The following SP100 variants were observed in gnomAD, a reference collection of about 807,000 sequenced individuals.
The protein encoded by SP100 is SP100 nuclear body protein.
Under a neutral mutation model 130.0 loss-of-function variants are expected in SP100, and 84 were observed. That is an observed-to-expected ratio of 0.65 (90% CI 0.54 to 0.77). The LOEUF is 0.77. SP100 is among the 30% of genes least tolerant of loss of function. The probability of loss-of-function intolerance (pLI) is 0.00; values close to 1 mark genes in which losing one functional copy is unlikely to be tolerated. For synonymous variants in SP100, 331 were observed against 351.7 expected, an observed-to-expected ratio of 0.94 and a Z score of 0.66; for missense variants, 978 against 1,052.2, an observed-to-expected ratio of 0.93 and a Z score of 0.97.
At chr2:230,438,977 A>G (rs2063384766) in intron 2 of SP100, among the ~76,000 whole-genome samples, 1 of 152,142 alleles carries the variant, frequency 6.6e-6, no homozygotes, top group East Asian at 1.9e-4. Context: ...CAGCAGTGTA[A>G]AAGTGTTCCC....
At chr2:230,465,387 A>C (rs1279207400) in intron 11 of SP100, among the ~76,000 whole-genome samples, 1 of 152,228 alleles carries the variant, frequency 6.6e-6, no homozygotes, top group Non-Finnish European at 1.5e-5. Context: ...TGACAGAGTG[A>C]GACCCTGTCT....
At chr2:230,429,841 A>G (rs1245731330) in intron 2 of SP100, among the ~76,000 whole-genome samples, 1 of 151,526 alleles carries the variant, frequency 6.6e-6, no homozygotes, top group Non-Finnish European at 1.5e-5. Context: ...TTGGCATTAT[A>G]ATTTTGTTTA....
chr2:230,508,938 C>CACAT (rs1319457149), intron 23 of SP100: 1 of 138,548 alleles, frequency 7.2e-6, no homozygotes, highest in African/African-American at 3.2e-5. Flanking sequence ...CACACACACA[C>CACAT]ACACACACAT....
At chr2:230,494,789 T>C (rs1025614920) in intron 18 of SP100, among the ~76,000 whole-genome samples, 25 of 152,138 alleles carry the variant, frequency 1.6e-4, no homozygotes, top group Non-Finnish European at 3.5e-4. Flanking sequence ...GAACCAGCCA[T>C]TTATTTATTT....
chr2:230,444,216 G>A lies in SP100; in HGVS notation c.309G>A (p.Gln103=), dbSNP rs779768232. ...CTTGTAGAAACCTGGTCCCTGTACA[G>A]AGAGTGGTGTACAATGTTCTTAGTG... The part of the protein sequence containing the change: ...QDSCRNLVPV[Q]RVVYNVLSEL... Residue 103 remains glutamine (Q), a synonymous_variant, in exon 4 of 29, where the codon CAG becomes CAA. Coordinates refer to ENST00000340126, the MANE Select transcript of SP100 (RefSeq NM_001080391.2). 7.5e-6 allele frequency: 12 copies of A among 1,610,256 alleles called. No individual in the cohort carries two copies. In the Admixed American group the frequency reaches 2.0e-4, roughly 27 times the overall value.
At chr2:230,447,431 C>T (rs751575296) in intron 5 of SP100, among the ~76,000 whole-genome samples, 5 of 152,256 alleles carry the variant, frequency 3.3e-5, no homozygotes, top group South Asian at 2.1e-4. Flanking sequence ...GCACGGACTC[C>T]GCAGGTTAAG....
chr2:230,454,367 T>C (rs1197653514), intron 8 of SP100, among the ~76,000 whole-genome samples: 3 of 152,118 alleles, frequency 2.0e-5, no homozygotes, highest in Non-Finnish European at 4.4e-5. Context: ...TTTCTTGAGG[T>C]GTAACATTAG....
At chr2:230,497,821 T>C (rs2066781686) in intron 18 of SP100, among the ~76,000 whole-genome samples, 1 of 152,212 alleles carries the variant, frequency 6.6e-6, no homozygotes, top group Non-Finnish European at 1.5e-5. Context: ...TTGGTTAGTT[T>C]CTTAGATCCT....
At chr2:230,503,993 G>A (rs2067184223) in intron 20 of SP100, among the ~76,000 whole-genome samples, 193 bp from the exon 21 acceptor site, 1 of 152,138 alleles carries the variant, frequency 6.6e-6, no homozygotes, top group East Asian at 1.9e-4. Flanking sequence ...ATTTTAGAGG[G>A]TGGAATGGAG....
chr2:230,417,782 T>G, intron 2 of SP100, 117 bp downstream of exon 2: 1 of 1,437,910 alleles, frequency 7.0e-7, no homozygotes, highest in Non-Finnish European at 9.2e-7. Context: ...ATTGCTTGTT[T>G]GTTTTTTGCC....
At chr2:230,512,862 G>A (rs1039213440) in intron 24 of SP100, among the ~76,000 whole-genome samples, 1 of 152,284 alleles carries the variant, frequency 6.6e-6, no homozygotes, top group Admixed American at 6.5e-5. Flanking sequence ...CCATCTAGGG[G>A]TGATGGGAGA....
At chr2:230,491,144 C>T (rs527830487) in intron 17 of SP100, among the ~76,000 whole-genome samples, 35 of 152,126 alleles carry the variant, frequency 2.3e-4, no homozygotes, top group Non-Finnish European at 4.4e-4. Context: ...TTACAAAGTC[C>T]CATATTTCTT....
At chr2:230,497,508 AG>A (rs2066743299) in intron 18 of SP100, among the ~76,000 whole-genome samples, 2 of 18,108 alleles carry the variant, frequency 1.1e-4, no homozygotes, top group African/African-American at 4.1e-4. Context: ...AGAGGAGAGG[AG>A]AGGAGAGGAG....
In SP100 at chr2:230,476,522, C is replaced by T. The variant is rs2065557283; in HGVS notation, c.1600+2075C>T. Among the ~76,000 whole-genome samples, 5 of 152,048 alleles carry T rather than the reference C, an allele frequency of 3.3e-5. No homozygotes were observed. The South Asian group carries it at 1.0e-3, about 31-fold the overall frequency. Reference sequence around the variant, plus strand: ...TGCTCATGTTGCTTTATTCTGTCTTCATCTTGCTTTTCATTCTGATTTGAA... The same window carrying T: ...TGCTCATGTTGCTTTATTCTGTCTTTATCTTGCTTTTCATTCTGATTTGAA... On this transcript the variant is annotated intron_variant, in intron 17 of 28. Transcript: ENST00000340126.
At chr2:230,519,883 C>G (rs1227231177) in intron 24 of SP100, among the ~76,000 whole-genome samples, 8 of 152,110 alleles carry the variant, frequency 5.3e-5, no homozygotes, top group Non-Finnish European at 7.4e-5. Flanking sequence ...TACATGGGTC[C>G]ACTTATCTAA....
chr2:230,471,674 C>T (rs1272924561), intron 15 of SP100, among the ~76,000 whole-genome samples: 2 of 151,998 alleles, frequency 1.3e-5, no homozygotes, highest in Non-Finnish European at 2.9e-5. Flanking sequence ...TGCACAGACT[C>T]GGGCTGCTTG....
intron 24 of SP100, among the ~76,000 whole-genome samples, chr2:230,518,322 T>A (rs865988504): frequency 6.6e-6 from 1 of 151,978 alleles, no homozygotes; most frequent in East Asian, 1.9e-4. Context: ...TTTTCTGTCA[T>A]GAAAAACACA....
intron 24 of SP100, among the ~76,000 whole-genome samples, chr2:230,522,763 C>T (rs1691236835): frequency 1.3e-5 from 2 of 151,752 alleles, no homozygotes; most frequent in African/African-American, 2.4e-5. Flanking sequence ...GCTGGGATTA[C>T]AGGCATGAGC....
intron 17 of SP100, among the ~76,000 whole-genome samples, chr2:230,475,006 T>C (rs1308115029): frequency 6.6e-6 from 1 of 152,012 alleles, no homozygotes; most frequent in East Asian, 1.9e-4. Flanking sequence ...TGAGTGCGTG[T>C]ATCTTTTTGA....
Sources: allele counts gnomAD v4.1 joint callset (sites outside exome capture counted in the v4.1 genomes callset), GRCh38; gene constraint gnomAD v4.1.1; transcripts MANE v1.5; gene names NCBI Gene and HGNC (gene_info 2026-07-23, HGNC 2026-07-21).